Variants in ATP1A4 observed in about 807,000 individuals in gnomAD.
ATP1A4 encodes the protein ATPase Na+/K+ transporting subunit alpha 4, also known as sodium/potassium-transporting ATPase subunit alpha-4.
Under a neutral mutation model 114.3 loss-of-function variants are expected in ATP1A4, and 90 were observed. The observed-to-expected ratio is 0.79, with a 90% CI of 0.66 to 0.94. ATP1A4 has a LOEUF of 0.94. ATP1A4 is among the 40% of genes least tolerant of loss of function. The probability of loss-of-function intolerance (pLI) is 0.00; values close to 1 mark genes in which losing one functional copy is unlikely to be tolerated. For missense variants in ATP1A4, 1,222 were observed against 1,313.6 expected (o/e 0.93, Z 1.08); for synonymous variants, 511 against 494.1 (o/e 1.03, Z -0.45).
In ATP1A4 at chr1:160,173,729, AAAGAACTC is replaced by A. The variant is rs1653349762; in HGVS notation, c.1991+17_1991+24del. The A allele has an allele frequency of 6.2e-7, 1 of 1,613,374 alleles. No homozygotes were observed. Among genetic ancestry groups the A allele is most frequent in the Non-Finnish European group, 8.5e-7 (1 of 1,179,502 alleles). On this transcript the variant is annotated intron_variant, in intron 13 of 21. Transcript: ENST00000368081. The stretch of plus-strand genomic sequence containing the variant: ...AAGGTCGATGCCAGGTGAGATCACT[AAAGAACTC>A]AAGATCTGCCATGTTCCCTCCATCC...
Position 160,168,718 on chromosome 1 carries a change from G to A in ATP1A4, c.1491+1306G>A, listed in dbSNP as rs116425095. On this transcript the variant is annotated intron_variant, in intron 10 of 21. Coordinates refer to ENST00000368081, the MANE Select transcript of ATP1A4 (RefSeq NM_144699.4). ...ATTTTTTTTAACTGAATTACTCATC[G>A]TTTTACACTGAAAACTGAGCAAGTA... is the stretch of plus-strand genomic sequence containing the variant. Among the ~76,000 whole-genome samples, 425 of 152,186 alleles carry A rather than the reference G, an allele frequency of 2.8e-3. 2 individuals carry two copies. The highest frequency in any genetic ancestry group is 9.4e-3 in the African/African-American group (392 of 41,510).
intron 10 of ATP1A4, 154 bp downstream of exon 10, chr1:160,167,566 G>T: frequency 9.5e-7 from 1 of 1,052,582 alleles, no homozygotes; most frequent in Admixed American, 2.6e-5. Flanking sequence ...CACATCAAGA[G>T]AACGTGACAA....
chr1:160,181,885 C>T lies in ATP1A4; in HGVS notation c.2868-45C>T, dbSNP rs1293216970. On this transcript the variant is annotated intron_variant, in intron 19 of 21. Transcript: ENST00000368081. ...ACCAGGACATGCCATTTCCCCCTGC[C>T]TTTTCTTCTCCCTCCCCGCCACACC... 3.7e-6 allele frequency: 6 copies of T among 1,613,650 alleles called. No individual in the cohort carries two copies. In the Admixed American group the frequency reaches 8.3e-5, roughly 22 times the overall value.
Position 160,166,729 on chromosome 1 carries a change from G to A in ATP1A4, c.1246+3G>A. 6.2e-7 allele frequency: 1 copy of A among 1,614,210 alleles called. No individual in the cohort carries two copies. Among genetic ancestry groups the A allele is most frequent in the Non-Finnish European group, 8.5e-7 (1 of 1,180,038 alleles). ...CGACACCACTGAAGAACAGACTGGTGACTAGTGGTATTGGTGGAACAAGAG... is the reference window on the plus strand; with the variant it reads ...CGACACCACTGAAGAACAGACTGGTAACTAGTGGTATTGGTGGAACAAGAG... On this transcript the variant is annotated splice_donor_region_variant and intron_variant, in intron 8 of 21. Coordinates refer to ENST00000368081, the MANE Select transcript of ATP1A4 (RefSeq NM_144699.4).
In ATP1A4 at chr1:160,152,662, C is replaced by T. The variant is rs142717820; in HGVS notation, c.147+475C>T. On this transcript the variant is annotated intron_variant, in intron 1 of 21. Coordinates refer to ENST00000368081, the MANE Select transcript of ATP1A4 (RefSeq NM_144699.4). ...GTCTTTAATTGGGCCTTCGTCTGCC[C>T]TGTGGTCAGGTGGTTAGGCAGGCTG... is the stretch of plus-strand genomic sequence containing the variant. Among the ~76,000 whole-genome samples the T allele has an allele frequency of 1.6e-4, 24 of 152,300 alleles. 1 individual carries two copies. The highest frequency in any genetic ancestry group is 4.6e-4 in the African/African-American group (19 of 41,558).
At chr1:160,164,020 G>A (rs1652945166) in intron 6 of ATP1A4, 136 bp from the exon 7 acceptor site, 4 of 1,158,474 alleles carry the variant, frequency 3.5e-6, no homozygotes, top group Admixed American at 2.7e-5. Flanking sequence ...CCAAATATTA[G>A]AACAAAAGAT....
chr1:160,159,112 G>A lies in ATP1A4; in HGVS notation c.636G>A (p.Arg212=). The part of the protein sequence containing the change: ...KGGDRVPADL[R]LISAQGCKVD... ...GAGACCGAGTCCCTGCTGACCTCCG[G>A]CTTATCTCTGCACAAGGATGTAAGG... Residue 212 remains arginine (R), a synonymous_variant, in exon 5 of 22, where the codon CGG becomes CGA. Coordinates refer to ENST00000368081, the MANE Select transcript of ATP1A4 (RefSeq NM_144699.4). 1 of 1,614,074 alleles carries A rather than the reference G, an allele frequency of 6.2e-7. No homozygotes were observed. Among genetic ancestry groups the A allele is most frequent in the South Asian group, 1.1e-5 (1 of 91,060 alleles).
At chr1:160,167,433 G>A (rs1405999235) in intron 10 of ATP1A4, 21 bp downstream of exon 10, 1 of 1,609,288 alleles carries the variant, frequency 6.2e-7, no homozygotes. Context: ...CACAAAGGTA[G>A]GAGAATGGTG....
At chr1:160,167,509 G>A in intron 10 of ATP1A4, 97 bp downstream of exon 10, 1 of 1,507,118 alleles carries the variant, frequency 6.6e-7, no homozygotes. Context: ...TCACCTCGGA[G>A]AAGCAGAGGA....
chr1:160,164,314 A>C lies in ATP1A4; in HGVS notation c.937A>C (p.Thr313Pro). ...ITVVAVFLGV[T>P]FFALSLLLGY... ...TGTGGTGGCCGTCTTCCTTGGTGTC[A>C]CTTTTTTTGCGCTCTCACTTCTCTT... Residue 313 changes from threonine (T) to proline (P), a missense_variant, in exon 7 of 22, where the codon ACT (threonine) becomes CCT (proline). Thr to Pro is a conservative substitution (Grantham distance 38). Coordinates refer to ENST00000368081, the MANE Select transcript of ATP1A4 (RefSeq NM_144699.4). 6.2e-7 allele frequency: 1 copy of C among 1,613,948 alleles called. No homozygotes were observed. Among genetic ancestry groups the C allele is most frequent in the Non-Finnish European group, 8.5e-7 (1 of 1,179,974 alleles).
chr1:160,155,407 GTAAT>G (rs1339973139), intron 3 of ATP1A4, among the ~76,000 whole-genome samples, 159 bp downstream of exon 3: 1 of 151,680 alleles, frequency 6.6e-6, no homozygotes, highest in Non-Finnish European at 1.5e-5. Context: ...AATTATAAAT[GTAAT>G]TGATTGTAAT....
chr1:160,163,597 G>A (rs1227826961), intron 6 of ATP1A4, among the ~76,000 whole-genome samples: 5 of 152,176 alleles, frequency 3.3e-5, no homozygotes, highest in Admixed American at 6.5e-5. Context: ...ATGGAGGAGC[G>A]TCTGTGCCCT....
rs1211784438 is a variant in ATP1A4, at chr1:160,153,182, C to A, written c.165C>A (p.Thr55=). The A allele has an allele frequency of 6.2e-7, 1 of 1,613,900 alleles. No individual in the cohort carries two copies. Among genetic ancestry groups the A allele is most frequent in the Non-Finnish European group, 8.5e-7 (1 of 1,179,936 alleles). The change falls in exon 2 of 22, where the codon ACC becomes ACA. Residue 55 remains threonine (T), a synonymous_variant. Coordinates refer to ENST00000368081, the MANE Select transcript of ATP1A4 (RefSeq NM_144699.4). ...CCCCTCAGGATGATCACAAATTAAC[C>A]TTGGAAGAGCTGAGCACCAAGTACT... is the stretch of plus-strand genomic sequence containing the variant. The part of the protein sequence containing the change: ...KEVVMDDHKL[T]LEELSTKYSV...
At chr1:160,169,795 C>T (rs1653175834) in intron 10 of ATP1A4, 1 of 152,164 alleles carries the variant, frequency 6.6e-6, no homozygotes, top group Admixed American at 6.5e-5. Flanking sequence ...CGGGTTGTCC[C>T]CTCGGGTTCA....
chr1:160,160,970 A>G (rs974367744), intron 6 of ATP1A4, among the ~76,000 whole-genome samples: 1 of 152,224 alleles, frequency 6.6e-6, no homozygotes, highest in Non-Finnish European at 1.5e-5. Flanking sequence ...ACCCTTACAA[A>G]GTAGGGTTTT....
intron 20 of ATP1A4, 108 bp downstream of exon 20, chr1:160,182,139 A>C: frequency 1.2e-6 from 1 of 832,168 alleles, no homozygotes; most frequent in Admixed American, 1.8e-5. Context: ...GCCTGGATAC[A>C]TGGAGCTACA....
rs979018744 is a variant in ATP1A4, at chr1:160,155,044, G to C, written c.208-1G>C. 1 of 1,613,254 alleles carries C rather than the reference G, an allele frequency of 6.2e-7. No homozygotes were observed. Among genetic ancestry groups the C allele is most frequent in the African/African-American group, 1.3e-5 (1 of 74,928 alleles). On this transcript the variant is annotated splice_acceptor_variant, in intron 2 of 21. Coordinates refer to ENST00000368081, the MANE Select transcript of ATP1A4 (RefSeq NM_144699.4). LOFTEE classifies it high-confidence loss of function. ...TCCAACCCTATTTCTTCTCTGCACA[G>C]GGCCATAGCCACCAAAGGGCAAAGG...
At chr1:160,156,634 A>G (rs1652680231) in intron 4 of ATP1A4, among the ~76,000 whole-genome samples, 1 of 152,052 alleles carries the variant, frequency 6.6e-6, no homozygotes, top group Non-Finnish European at 1.5e-5. Flanking sequence ...GGAGTTTGAG[A>G]TGCTATCTCT....
At chr1:160,171,990 C>T (rs772231591) in intron 12 of ATP1A4, among the ~76,000 whole-genome samples, 1 of 151,978 alleles carries the variant, frequency 6.6e-6, no homozygotes, top group Non-Finnish European at 1.5e-5. Flanking sequence ...AGGACACACC[C>T]CAGACCGATT....
Sources: gnomAD v4.1 joint callset for allele counts (sites outside exome capture counted in the v4.1 genomes callset) on GRCh38, gnomAD v4.1.1 for gene constraint, MANE v1.5 for transcripts, NCBI Gene and HGNC (gene_info 2026-07-23, HGNC 2026-07-21) for gene names.